PCDHGB5: variants seen among roughly 807,000 people sequenced by gnomAD.
PCDHGB5 encodes the protein protocadherin gamma subfamily B, 5.
Under a neutral mutation model 62.9 loss-of-function variants are expected in PCDHGB5, and 48 were observed. The observed-to-expected ratio is 0.76, with a 90% confidence interval of 0.61 to 0.97. The LOEUF (loss-of-function observed/expected upper bound fraction) is 0.97. Ranked by LOEUF, PCDHGB5 falls within the 50% of genes least tolerant of loss-of-function variation. The pLI is 0.00. For synonymous variants in PCDHGB5, 474 were observed against 511.2 expected, an observed-to-expected ratio of 0.93 and a Z score of 0.98; for missense variants, 1,118 against 1,198.6, an observed-to-expected ratio of 0.93 and a Z score of 0.99.
intron 1 of PCDHGB5, among the ~76,000 whole-genome samples, chr5:141,462,745 TATG>T (rs1249238113): frequency 6.6e-6 from 1 of 152,262 alleles, no homozygotes; most frequent in Non-Finnish European, 1.5e-5. Flanking sequence ...CTGTAATTCC[TATG>T]ATGATTTTCT....
chr5:141,409,599 C>T (rs753753955), intron 1 of PCDHGB5: 22 of 1,613,822 alleles, frequency 1.4e-5, no homozygotes, highest in Non-Finnish European at 1.8e-5. Flanking sequence ...GAGAACAACC[C>T]GCCAGGAGCC....
intron 1 of PCDHGB5, among the ~76,000 whole-genome samples, chr5:141,402,461 C>A (rs892900332): frequency 1.3e-5 from 2 of 151,994 alleles, no homozygotes; most frequent in East Asian, 3.8e-4. Context: ...GTTTACATAT[C>A]TAGAAATAGA....
At chr5:141,403,276 C>A in intron 1 of PCDHGB5, 2 of 1,613,844 alleles carry the variant, frequency 1.2e-6, no homozygotes, top group South Asian at 2.2e-5. Flanking sequence ...ACTTTAAAGT[C>A]CTGGTTGAAG....
chr5:141,404,517 A>C (rs1268035794), intron 1 of PCDHGB5: 1 of 1,613,938 alleles, frequency 6.2e-7, no homozygotes, highest in South Asian at 1.1e-5. Flanking sequence ...TCCTTTGACT[A>C]TGAGCAGTTT....
intron 1 of PCDHGB5, chr5:141,416,991 T>A (rs1052950610): frequency 2.0e-5 from 3 of 151,906 alleles, no homozygotes; most frequent in Non-Finnish European, 4.4e-5. Context: ...TTATTGTGCA[T>A]TCATCTCAAA....
At chr5:141,428,100 G>C (rs1313410784) in intron 1 of PCDHGB5, 11 of 1,608,462 alleles carry the variant, frequency 6.8e-6, no homozygotes, top group Non-Finnish European at 9.3e-6. Context: ...GTCCTACCAC[G>C]TGCTGCAGGC....
Position 141,405,636 on chromosome 5 carries a change from G to A in PCDHGB5, c.2397+5112G>A, listed in dbSNP as rs546836247. 7 of 528,588 alleles carry A rather than the reference G, an allele frequency of 1.3e-5. 1 individual carries two copies. The highest frequency in any genetic ancestry group is 8.1e-5 in the South Asian group (3 of 37,242). The allele number at this position is 528,588 out of a possible 1,614,324, so 32.7% of individuals were successfully genotyped here. A position where few individuals can be genotyped will look rare whatever the true frequency, so the allele number is the denominator to read the frequency against. On this transcript the variant is annotated intron_variant, in intron 1 of 3. Coordinates refer to ENST00000617380, the MANE Select transcript of PCDHGB5 (RefSeq NM_018925.3). ...ACTACAGGCACGTGCCACCACGCCC[G>A]GCTAATTTTTTGTGTGTTTTTAGTA...
chr5:141,478,589 T>C, intron 1 of PCDHGB5: 2 of 1,573,336 alleles, frequency 1.3e-6, no homozygotes, highest in Non-Finnish European at 1.7e-6. Context: ...AGTGCTTTTT[T>C]ATTCCTACAT....
Position 141,431,854 on chromosome 5 carries a change from A to G in PCDHGB5, c.2397+31330A>G. On this transcript the variant is annotated intron_variant, in intron 1 of 3. Coordinates refer to ENST00000617380, the MANE Select transcript of PCDHGB5 (RefSeq NM_018925.3). The surrounding 1 kb of genome is among the most constrained non-coding windows in gnomAD (Gnocchi z 4.8). Reference sequence around the variant, plus strand: ...CCGAAAACTCTCCCAGAGGGACATTAATTGCCCTTTTAAATGTAAATGACC... The same window carrying G: ...CCGAAAACTCTCCCAGAGGGACATTGATTGCCCTTTTAAATGTAAATGACC... The G allele has an allele frequency of 6.2e-7, 1 of 1,614,230 alleles. No individual in the cohort carries two copies. The highest frequency in any genetic ancestry group is 1.3e-5 in the African/African-American group (1 of 75,070).
rs2099634686 is a variant in PCDHGB5 at position 141,486,772 on chromosome 5, T to G, written c.2398-8035T>G. 1 of 1,614,246 alleles carries G rather than the reference T, an allele frequency of 6.2e-7. No individual in the cohort carries two copies. The highest frequency in any genetic ancestry group is 8.5e-7 in the Non-Finnish European group (1 of 1,180,042). Reference sequence around the variant, plus strand: ...ATGAGCAAACCCAGACACTGCAGTTTGAGGTGCAGGCCCGGGATCGGGGCA... The same window carrying G: ...ATGAGCAAACCCAGACACTGCAGTTGGAGGTGCAGGCCCGGGATCGGGGCA... On this transcript the variant is annotated intron_variant, in intron 1 of 3. Coordinates refer to ENST00000617380, the MANE Select transcript of PCDHGB5 (RefSeq NM_018925.3). This position sits in a 1 kb window ranked among gnomAD's most constrained non-coding sequence, Gnocchi z 5.0.
chr5:141,413,054 A>G (rs2095600698), intron 1 of PCDHGB5: 1 of 981,614 alleles, frequency 1.0e-6, no homozygotes, highest in African/African-American at 1.6e-5. Flanking sequence ...AGGGAAGCTC[A>G]CTCCAGAATT....
At chr5:141,403,674 T>C in intron 1 of PCDHGB5, 2 of 1,613,812 alleles carry the variant, frequency 1.2e-6, no homozygotes, top group South Asian at 2.2e-5. Flanking sequence ...AATGCCCCGG[T>C]TTTTGCTCAA....
At chr5:141,443,055 C>G (rs994152277) in intron 1 of PCDHGB5, among the ~76,000 whole-genome samples, 1 of 152,208 alleles carries the variant, frequency 6.6e-6, no homozygotes, top group Non-Finnish European at 1.5e-5. Flanking sequence ...TATTGTTCCA[C>G]TGAAGAGCGT....
rs187307897 is a variant in PCDHGB5 at position 141,505,900 on chromosome 5, A to G, written c.2545+419A>G. 2.6e-4 allele frequency among the ~76,000 whole-genome samples: 39 copies of G among 152,296 alleles called. 1 individual carries two copies. In the East Asian group the frequency reaches 6.8e-3, roughly 26 times the overall value. ...TGTAGAGATTAAATGAGATGATACCACAAAGCATAGAGTTCTGGGCCTGGC... is the reference window on the plus strand; with the variant it reads ...TGTAGAGATTAAATGAGATGATACCGCAAAGCATAGAGTTCTGGGCCTGGC... On this transcript the variant is annotated intron_variant, in intron 3 of 3. Transcript: ENST00000617380.
chr5:141,501,013 C>A (rs1456343329), intron 2 of PCDHGB5, among the ~76,000 whole-genome samples: 6 of 151,970 alleles, frequency 3.9e-5, no homozygotes, highest in Non-Finnish European at 8.8e-5. Flanking sequence ...GGACTACAGG[C>A]ACGCGCCACC....
chr5:141,467,321 G>A (rs2099141786), intron 1 of PCDHGB5, among the ~76,000 whole-genome samples: 2 of 152,024 alleles, frequency 1.3e-5, no homozygotes, highest in East Asian at 1.9e-4. Context: ...CCACAGTGCT[G>A]GGATTAGAGA....
chr5:141,421,429 G>A, intron 1 of PCDHGB5: 1 of 1,614,090 alleles, frequency 6.2e-7, no homozygotes, highest in Non-Finnish European at 8.5e-7. Context: ...AGTCCGCATC[G>A]TCTCCAGAGG....
chr5:141,489,971 C>A lies in PCDHGB5; in HGVS notation c.2398-4836C>A, dbSNP rs1254025468. 1 of 1,614,060 alleles carries A rather than the reference C, an allele frequency of 6.2e-7. No homozygotes were observed. The highest frequency in any genetic ancestry group is 1.3e-5 in the African/African-American group (1 of 74,944). Reference sequence around the variant, plus strand: ...AATGATAATGCTCCAACCTTCCAATCCTCAGTTCTACGTGTGGGAATCCCA... The same window carrying A: ...AATGATAATGCTCCAACCTTCCAATACTCAGTTCTACGTGTGGGAATCCCA... On this transcript the variant is annotated intron_variant, in intron 1 of 3. Transcript: ENST00000617380. The surrounding 1 kb of genome is among the most constrained non-coding windows in gnomAD (Gnocchi z 4.5).
At chr5:141,495,071 C>A (rs1391869079) in intron 2 of PCDHGB5, among the ~76,000 whole-genome samples, 1 of 152,160 alleles carries the variant, frequency 6.6e-6, no homozygotes, top group Non-Finnish European at 1.5e-5. Flanking sequence ...AAGCTCAATT[C>A]ACATGCTTGC....
Sources: allele counts gnomAD v4.1 joint callset (sites outside exome capture counted in the v4.1 genomes callset), GRCh38; gene constraint gnomAD v4.1.1; non-coding constraint Gnocchi (gnomAD v3.1); transcripts MANE v1.5; gene names NCBI Gene and HGNC (gene_info 2026-07-23, HGNC 2026-07-21).